DNAJC2: variants seen among roughly 807,000 people sequenced by gnomAD.
DNAJC2 encodes the protein DnaJ heat shock protein family (Hsp40) member C2.
In DNAJC2, 32 loss-of-function variants were observed where a neutral mutation model predicts 94.0. The ratio of observed to expected loss-of-function variants is 0.34; its 90% CI spans 0.26 to 0.46. The LOEUF is 0.46. Among genes scored for constraint, DNAJC2 ranks in the 20% least tolerant of loss-of-function variants. The pLI is 1.00. For synonymous variants in DNAJC2, 210 were observed against 229.7 expected (o/e 0.91, Z 0.77); for missense variants, 550 against 719.5 (o/e 0.76, Z 2.69).
At chr7:103,317,195 G>C (rs112564794) in intron 12 of DNAJC2, 181 bp from the exon 13 acceptor site, 2 of 583,908 alleles carry the variant, frequency 3.4e-6, no homozygotes. Context: ...AGTCTGCATA[G>C]GTCTGCCTGA....
chr7:103,334,580 AAAAAG>A (rs533818254), intron 3 of DNAJC2, among the ~76,000 whole-genome samples: 148 of 151,770 alleles, frequency 9.8e-4, no homozygotes, highest in South Asian at 8.4e-3. Context: ...TCTTAAAAAA[AAAAAG>A]AAAAGAAATC....
intron 6 of DNAJC2, among the ~76,000 whole-genome samples, chr7:103,323,952 T>A (rs796959225): frequency 1.3e-5 from 2 of 152,222 alleles, no homozygotes; most frequent in Non-Finnish European, 2.9e-5. Context: ...TTCGCTAGTC[T>A]GTCAAGTCTG....
intron 7 of DNAJC2, 44 bp downstream of exon 7, chr7:103,323,554 G>T: frequency 7.1e-7 from 1 of 1,410,856 alleles, no homozygotes; most frequent in South Asian, 1.4e-5. Flanking sequence ...AAATACCAGA[G>T]AACCAAATAA....
intron 10 of DNAJC2, among the ~76,000 whole-genome samples, chr7:103,321,614 A>G (rs1818418753): frequency 6.6e-6 from 1 of 151,852 alleles, no homozygotes; most frequent in African/African-American, 2.4e-5. Flanking sequence ...TTGGGAGGCC[A>G]AGGCGGGGAG....
chr7:103,316,867 T>A lies in DNAJC2; in HGVS notation c.1390A>T (p.Lys464Ter), dbSNP rs754758834. 1 of 1,614,056 alleles carries A rather than the reference T, an allele frequency of 6.2e-7. No homozygotes were observed. The highest frequency in any genetic ancestry group is 1.1e-5 in the South Asian group (1 of 91,080). ...WSEDDLQLLI[K>*]AVNLFPAGTN... ...CCAGCAGGGAACAGATTCACAGCTT[T>A]AATTAGTAATTGTAGATCATCTTCT... is the stretch of plus-strand genomic sequence containing the variant. The change falls in exon 13 of 17, where the codon AAA becomes TAA. Residue 464 changes from lysine to a stop codon, truncating the protein, a stop_gained. Coordinates refer to ENST00000379263, the MANE Select transcript of DNAJC2 (RefSeq NM_014377.3). LOFTEE classifies it high-confidence loss of function.
chr7:103,337,950 G>C, intron 2 of DNAJC2, 139 bp from the exon 3 acceptor site: 1 of 637,466 alleles, frequency 1.6e-6, no homozygotes, highest in East Asian at 2.8e-5. Context: ...ATAAACCAGG[G>C]TCTATGGTCA....
intron 3 of DNAJC2, among the ~76,000 whole-genome samples, chr7:103,333,950 C>CTTTTTTTTTTTTT (rs1563471240): frequency 6.7e-6 from 1 of 148,754 alleles, no homozygotes; most frequent in Non-Finnish European, 1.5e-5. Flanking sequence ...CTGTTGTGAA[C>CTTTTTTTTTTTTT]ATTTTTTTTT....
rs773105471 is a variant in DNAJC2, at chr7:103,322,077, C to T, written c.938G>A (p.Arg313Lys). The change falls in exon 10 of 17, where the codon AGA becomes AAA. Residue 313 changes from arginine to lysine, a missense_variant. Transcript: ENST00000379263. Reference protein sequence around the residue: ...RKEQEAKEKQRQAELEAARLA... With the variant: ...RKEQEAKEKQKQAELEAARLA... ...CCGAGCAGCTTCTAATTCAGCTTGT[C>T]TTTGCTTTAAAAAAAGGGAGTAAAA... is the stretch of plus-strand genomic sequence containing the variant. 1 of 1,598,092 alleles carries T rather than the reference C, an allele frequency of 6.3e-7. No individual in the cohort carries two copies. Among genetic ancestry groups the T allele is most frequent in the African/African-American group, 1.4e-5 (1 of 73,988 alleles).
At chr7:103,334,569 G>A (rs989714340) in intron 3 of DNAJC2, among the ~76,000 whole-genome samples, 3 of 147,088 alleles carry the variant, frequency 2.0e-5, no homozygotes, top group Admixed American at 6.9e-5. Context: ...GTTAGACTCC[G>A]TCTTAAAAAA....
rs1215748526 is a variant in DNAJC2 at position 103,337,861 on chromosome 7, T to G, written c.256-50A>C. The G allele has an allele frequency of 3.0e-6, 4 of 1,348,254 alleles. 1 individual carries two copies. Among genetic ancestry groups the G allele is most frequent in the African/African-American group, 1.4e-5 (1 of 69,212 alleles). The allele number at this position is 1,348,254 out of a possible 1,614,324, so 83.5% of individuals were successfully genotyped here. A position where few individuals can be genotyped will look rare whatever the true frequency, so the allele number is the denominator to read the frequency against. On this transcript the variant is annotated intron_variant, in intron 2 of 16. Coordinates refer to ENST00000379263, the MANE Select transcript of DNAJC2 (RefSeq NM_014377.3). ...TCAAATTTGAAATGAAGCCAATATA[T>G]TCCATCCCTTGTGTTCTGGTACCTT...
At chr7:103,331,599 T>A (rs1216728569) in intron 3 of DNAJC2, among the ~76,000 whole-genome samples, 4 of 152,202 alleles carry the variant, frequency 2.6e-5, no homozygotes, top group Non-Finnish European at 5.9e-5. Flanking sequence ...TTCTCAAGAG[T>A]GAGAACATGC....
chr7:103,317,261 C>T, intron 12 of DNAJC2: 1 of 433,884 alleles, frequency 2.3e-6, no homozygotes, highest in Non-Finnish European at 4.1e-6. Context: ...TGTCATGTGA[C>T]TTCCATTAGC....
intron 3 of DNAJC2, among the ~76,000 whole-genome samples, chr7:103,333,504 G>A (rs191155813): frequency 5.9e-5 from 9 of 152,242 alleles, no homozygotes; most frequent in South Asian, 2.1e-4. Context: ...CTGATTCAGC[G>A]GAGATAAAAC....
intron 15 of DNAJC2, chr7:103,313,319 T>C (rs1344612085): frequency 2.3e-6 from 3 of 1,301,662 alleles, no homozygotes; most frequent in Non-Finnish European, 2.9e-6. Context: ...TCAAAGGCTT[T>C]TAAAACACAA....
chr7:103,319,949 C>T lies in DNAJC2; in HGVS notation c.1084-105G>A, dbSNP rs1343600448. ...ACTCGGGAGGCTGAGGCAGGAGAATCGCTTGAACCTGGAGGCGGAAATTGC... is the reference window on the plus strand; with the variant it reads ...ACTCGGGAGGCTGAGGCAGGAGAATTGCTTGAACCTGGAGGCGGAAATTGC... On this transcript the variant is annotated intron_variant, in intron 10 of 16. Coordinates refer to ENST00000379263, the MANE Select transcript of DNAJC2 (RefSeq NM_014377.3). 1.1e-5 allele frequency: 14 copies of T among 1,221,902 alleles called. No homozygotes were observed. The African/African-American group carries it at 1.4e-4, about 12-fold the overall frequency. 75.7% of individuals were successfully genotyped at this position (1,221,902 alleles called of 1,614,324 possible). A position where few individuals can be genotyped will look rare whatever the true frequency, so the allele number is the denominator to read the frequency against.
rs779658631 is a variant in DNAJC2, at chr7:103,322,812, T to C, written c.720-18A>G. On this transcript the variant is annotated intron_variant, in intron 7 of 16. Transcript: ENST00000379263. ...CATCACGACTATAAAATAGAAAATATTGGAAACAAACTACTGCTTATAGAT... is the reference window on the plus strand; with the variant it reads ...CATCACGACTATAAAATAGAAAATACTGGAAACAAACTACTGCTTATAGAT... The C allele has an allele frequency of 2.3e-5, 37 of 1,583,562 alleles. No homozygotes were observed. The highest frequency in any genetic ancestry group is 5.0e-5 in the Admixed American group (3 of 59,444).
At chr7:103,320,361 C>T (rs1272693978) in intron 10 of DNAJC2, among the ~76,000 whole-genome samples, 2 of 152,006 alleles carry the variant, frequency 1.3e-5, no homozygotes, top group East Asian at 1.9e-4. Context: ...GTGCTGGTTA[C>T]AGGTGTGAGC....
rs985115566 is a variant in DNAJC2 at position 103,344,528 on chromosome 7, G to C, written c.64+31C>G. On this transcript the variant is annotated intron_variant, in intron 1 of 16. Transcript: ENST00000379263. ...GGACTGAGGCAGGGGCAGCTGAGGT[G>C]AGAAGGAACCGAGGTTGGGTGGGCA... 14 of 1,612,950 alleles carry C rather than the reference G, an allele frequency of 8.7e-6. No individual in the cohort carries two copies. The Admixed American group carries it at 1.5e-4, about 17-fold the overall frequency.
At chr7:103,326,418 G>A (rs1818709762) in intron 5 of DNAJC2, 125 bp downstream of exon 5, 1 of 929,438 alleles carries the variant, frequency 1.1e-6, no homozygotes, top group Non-Finnish European at 1.7e-6. Flanking sequence ...AGGAGGAGGA[G>A]GAGGAAGAGA....
Sources: gnomAD v4.1 joint callset for allele counts (sites outside exome capture counted in the v4.1 genomes callset) on GRCh38, gnomAD v4.1.1 for gene constraint, MANE v1.5 for transcripts, NCBI Gene and HGNC (gene_info 2026-07-23, HGNC 2026-07-21) for gene names.